Variants in HDLBP observed in about 807,000 individuals in gnomAD.
HDLBP encodes the protein high density lipoprotein binding protein.
Under a neutral mutation model 137.3 loss-of-function variants are expected in HDLBP, and 30 were observed. That is an observed-to-expected ratio of 0.22 (90% CI 0.16 to 0.30). The LOEUF (loss-of-function observed/expected upper bound fraction) is 0.30, where lower values mean the gene tolerates loss of function less well. Ranked by LOEUF, HDLBP falls within the 10% of genes least tolerant of loss-of-function variation. HDLBP has a pLI of 1.00. For synonymous variants in HDLBP, 606 were observed against 596.0 expected, an observed-to-expected ratio of 1.02 and a Z score of -0.24; for missense variants, 1,119 against 1,667.3, an observed-to-expected ratio of 0.67 and a Z score of 5.73.
At chr2:241,303,245 C>T (rs1033626459) in intron 1 of HDLBP, among the ~76,000 whole-genome samples, 3 of 152,192 alleles carry the variant, frequency 2.0e-5, no homozygotes, top group Non-Finnish European at 2.9e-5. Flanking sequence ...GGAAGAGCTG[C>T]GTCCTGCTGG....
At position 241,235,077 on chromosome 2, in the gene HDLBP, G is replaced by A. The variant is rs777192811; in HGVS notation, c.3144+44C>T. 13 of 1,601,764 alleles carry A rather than the reference G, an allele frequency of 8.1e-6. No homozygotes were observed. In the Admixed American group the frequency reaches 1.8e-4, roughly 23 times the overall value. ...TAGATTCTGACATGTGCCCAAAGCT[G>A]AGCACCATGGCTCTGGGCAGTGCCC... On this transcript the variant is annotated intron_variant, in intron 23 of 27. Coordinates refer to ENST00000310931, the MANE Select transcript of HDLBP (RefSeq NM_005336.6).
intron 1 of HDLBP, among the ~76,000 whole-genome samples, chr2:241,305,425 G>C (rs1323338834): frequency 6.6e-6 from 1 of 152,080 alleles, no homozygotes; most frequent in African/African-American, 2.4e-5. Flanking sequence ...ACCTGGCCAG[G>C]CTCTACTCTT....
intron 16 of HDLBP, 104 bp downstream of exon 16, chr2:241,246,648 C>G: frequency 8.9e-7 from 1 of 1,118,398 alleles, no homozygotes; most frequent in Non-Finnish European, 1.3e-6. Context: ...TCCACATCAG[C>G]CTGCGCTGGC....
At chr2:241,250,747 G>GC (rs1036944922) in intron 11 of HDLBP, 2 of 86,492 alleles carry the variant, frequency 2.3e-5, no homozygotes, top group Non-Finnish European at 5.7e-5. Flanking sequence ...GATGCACTGA[G>GC]GGGGGAACAT....
At chr2:241,250,072 T>C in intron 11 of HDLBP, 92 bp from the exon 12 acceptor site, 1 of 1,257,622 alleles carries the variant, frequency 8.0e-7, no homozygotes, top group Non-Finnish European at 1.1e-6. Context: ...AAGCGCTAAA[T>C]AACCTTATCT....
At chr2:241,250,788 CA>C (rs2072078043) in intron 11 of HDLBP, 1 of 152,360 alleles carries the variant, frequency 6.6e-6, no homozygotes, top group Admixed American at 6.5e-5. Flanking sequence ...TGAAGCAACA[CA>C]AGACAAGAGA....
chr2:241,253,239 C>CT (rs2072340642), intron 10 of HDLBP, 154 bp downstream of exon 10: 2 of 700,076 alleles, frequency 2.9e-6, no homozygotes, highest in South Asian at 3.2e-5. Context: ...CTTCGACCAG[C>CT]TTCTGGTTGT....
At chr2:241,311,207 A>C (rs1167681319) in intron 1 of HDLBP, among the ~76,000 whole-genome samples, 2 of 152,218 alleles carry the variant, frequency 1.3e-5, no homozygotes, top group African/African-American at 2.4e-5. Flanking sequence ...AAGGCTCTAA[A>C]AATGTTACGT....
chr2:241,310,521 C>CTAAATAT (rs1195170140), intron 1 of HDLBP, among the ~76,000 whole-genome samples: 21 of 151,942 alleles, frequency 1.4e-4, no homozygotes, highest in Non-Finnish European at 4.4e-5. Flanking sequence ...TTTGTACCCC[C>CTAAATAT]TAAATATGTA....
intron 2 of HDLBP, chr2:241,267,962 T>C: frequency 2.0e-6 from 2 of 984,938 alleles, no homozygotes; most frequent in Non-Finnish European, 2.4e-6. Context: ...TTCAGCATTC[T>C]GAGGTAGGAA....
chr2:241,257,889 A>C (rs944509695), intron 5 of HDLBP, among the ~76,000 whole-genome samples: 7 of 152,248 alleles, frequency 4.6e-5, no homozygotes, highest in African/African-American at 1.7e-4. Context: ...TCTGAACTGA[A>C]AACCCAGAAA....
At chr2:241,229,776 G>A in intron 27 of HDLBP, 57 bp downstream of exon 27, 1 of 1,563,972 alleles carries the variant, frequency 6.4e-7, no homozygotes. Context: ...AGGACACCAA[G>A]CCCGCCTGCC....
chr2:241,267,527 C>A, intron 2 of HDLBP: 1 of 1,498,888 alleles, frequency 6.7e-7, no homozygotes, highest in Non-Finnish European at 9.0e-7. Flanking sequence ...ACACCAGGAT[C>A]GTTCTCCTAA....
chr2:241,229,422 C>A lies in HDLBP; in HGVS notation c.*179G>T. 3.5e-6 allele frequency: 2 copies of A among 564,116 alleles called. No homozygotes were observed. The allele number at this position is 564,116 out of a possible 1,614,324, so 34.9% of individuals were successfully genotyped here. ...TGGAGCAGGTCCTGAGCGGGCACGG[C>A]CAGGCCTGGAGGAGCGGCCGCACAC... On this transcript the variant is annotated 3_prime_UTR_variant, in exon 28 of 28. Coordinates refer to ENST00000310931, the MANE Select transcript of HDLBP (RefSeq NM_005336.6).
chr2:241,282,917 C>T (rs2074659739), intron 1 of HDLBP, among the ~76,000 whole-genome samples: 1 of 152,132 alleles, frequency 6.6e-6, no homozygotes, highest in South Asian at 2.1e-4. Flanking sequence ...AGCTGCACGT[C>T]TCTCATATTA....
chr2:241,309,056 G>A (rs1222005615), intron 1 of HDLBP, among the ~76,000 whole-genome samples: 1 of 152,000 alleles, frequency 6.6e-6, no homozygotes, highest in Admixed American at 6.6e-5. Flanking sequence ...CTCTTATAAC[G>A]CTCTTCCCCA....
intron 1 of HDLBP, among the ~76,000 whole-genome samples, chr2:241,313,523 C>G (rs1304583995): frequency 6.6e-6 from 1 of 152,186 alleles, no homozygotes; most frequent in Non-Finnish European, 1.5e-5. Flanking sequence ...CAAGTGTCCA[C>G]CCGCCTCGAC....
chr2:241,251,313 T>C (rs1434057628), intron 11 of HDLBP, among the ~76,000 whole-genome samples: 1 of 152,208 alleles, frequency 6.6e-6, no homozygotes, highest in Non-Finnish European at 1.5e-5. Context: ...AGCAAGTTTA[T>C]GGTGTATGTG....
intron 3 of HDLBP, 186 bp downstream of exon 3, chr2:241,266,608 T>G: frequency 1.8e-6 from 1 of 570,134 alleles, no homozygotes; most frequent in Non-Finnish European, 3.1e-6. Context: ...ATTCATTTCC[T>G]CATGCCTGGC....
Sources: gnomAD v4.1 joint callset for allele counts (sites outside exome capture counted in the v4.1 genomes callset) on GRCh38, gnomAD v4.1.1 for gene constraint, MANE v1.5 for transcripts, NCBI Gene and HGNC (gene_info 2026-07-23, HGNC 2026-07-21) for gene names.